Variants in ADGRV1 observed in about 807,000 individuals in gnomAD.
ADGRV1 encodes G-protein coupled receptor 98.
ADGRV1 carries 359 observed loss-of-function variants against 596.2 expected under a neutral mutation model. That is an observed-to-expected ratio of 0.60 (90% CI 0.55 to 0.66). The LOEUF is 0.66. Among genes scored for constraint, ADGRV1 ranks in the 30% least tolerant of loss-of-function variants. ADGRV1 has a pLI of 0.00. For synonymous variants in ADGRV1, 2,681 were observed against 2,679.2 expected (o/e 1.00, Z -0.02); for missense variants, 7,274 against 7,575.6 (o/e 0.96, Z 1.48).
At position 90,704,384 on chromosome 5, in the gene ADGRV1, C is replaced by T; in HGVS notation, c.8287-5C>T. 6.5e-7 allele frequency: 1 copy of T among 1,541,020 alleles called. No homozygotes were observed. The highest frequency in any genetic ancestry group is 8.8e-7 in the Non-Finnish European group (1 of 1,131,764). ...GCGGGATTGATTTCTTTCTGTATGACATAGGGGTCGTTGAATACAACATTG... is the reference window on the plus strand; with the variant it reads ...GCGGGATTGATTTCTTTCTGTATGATATAGGGGTCGTTGAATACAACATTG... On this transcript the variant is annotated splice_polypyrimidine_tract_variant and splice_region_variant and intron_variant, in intron 35 of 89. Coordinates refer to ENST00000405460, the MANE Select transcript of ADGRV1 (RefSeq NM_032119.4).
chr5:91,102,437 G>A, intron 87 of ADGRV1, 97 bp downstream of exon 87: 1 of 1,019,964 alleles, frequency 9.8e-7, no homozygotes, highest in Non-Finnish European at 1.4e-6. Context: ...CCACACACAG[G>A]TGAATTTGTG....
chr5:90,942,988 G>A (rs1390895794), intron 83 of ADGRV1, among the ~76,000 whole-genome samples: 1 of 152,102 alleles, frequency 6.6e-6, no homozygotes, highest in African/African-American at 2.4e-5. Context: ...TGCCCCTTCT[G>A]CAATGAAGAG....
chr5:90,608,240 G>C (rs1762339650), intron 1 of ADGRV1, among the ~76,000 whole-genome samples: 1 of 152,062 alleles, frequency 6.6e-6, no homozygotes, highest in Admixed American at 6.6e-5. Context: ...AGTGAAAATG[G>C]AGTGGGGGCA....
chr5:90,676,716 G>A (rs1405298959), intron 25 of ADGRV1: 1 of 153,138 alleles, frequency 6.5e-6, no homozygotes, highest in Admixed American at 6.5e-5. Flanking sequence ...TTCATGGTAG[G>A]TTCCCCTAAG....
At position 90,774,322 on chromosome 5, in the gene ADGRV1, T is replaced by C. The variant is rs765011557; in HGVS notation, c.12403+19T>C. On this transcript the variant is annotated intron_variant, in intron 60 of 89. Transcript: ENST00000405460. The stretch of plus-strand genomic sequence containing the variant: ...GTAAAAGGTAAGAGAAATTCACATT[T>C]TTGGAAATTAAAAAGTAAATTCTCA... 7.2e-7 allele frequency: 1 copy of C among 1,383,690 alleles called. No homozygotes were observed. The highest frequency in any genetic ancestry group is 1.0e-6 in the Non-Finnish European group (1 of 973,418). The allele number at this position is 1,383,690 out of a possible 1,614,324, so 85.7% of individuals were successfully genotyped here.
At chr5:90,999,330 A>G (rs1781674219) in intron 85 of ADGRV1, among the ~76,000 whole-genome samples, 1 of 152,082 alleles carries the variant, frequency 6.6e-6, no homozygotes, top group Non-Finnish European at 1.5e-5. Flanking sequence ...CAATAATAGT[A>G]CAGTTAACAT....
chr5:90,978,714 A>G (rs6870988), intron 84 of ADGRV1, among the ~76,000 whole-genome samples: 76,036 of 151,912 alleles, frequency 0.5, 20,644 homozygotes, highest in African/African-American at 0.71. Flanking sequence ...CCTATTGTGT[A>G]CCCATTTTAA....
rs773180401 is a variant in ADGRV1, at chr5:90,642,719, T to A, written c.2324T>A (p.Val775Asp). 3 of 1,612,104 alleles carry A rather than the reference T, an allele frequency of 1.9e-6. No individual in the cohort carries two copies. Among genetic ancestry groups the A allele is most frequent in the Admixed American group, 3.3e-5 (2 of 59,888 alleles). The change falls in exon 12 of 90, where the codon GTT (valine) becomes GAT (aspartate). Residue 775 changes from valine to aspartate, a missense_variant. By Grantham distance (152) the Val-to-Asp change is radical. This residue lies in a region of ADGRV1 where 1,715 missense variants were observed against 1,708.8 expected (regional missense o/e 1.00). Coordinates refer to ENST00000405460, the MANE Select transcript of ADGRV1 (RefSeq NM_032119.4). Reference protein sequence around the residue: ...IILENDDPGGVFEFSPASRGP... With the variant: ...IILENDDPGGDFEFSPASRGP... ...TTGGAAAATGATGACCCTGGGGGAG[T>A]TTTTGAATTTTCTCCTGCTTCCAGA...
At chr5:90,947,460 T>C (rs1173680988) in intron 83 of ADGRV1, among the ~76,000 whole-genome samples, 1 of 152,188 alleles carries the variant, frequency 6.6e-6, no homozygotes, top group Non-Finnish European at 1.5e-5. Context: ...CATTTTTCAA[T>C]TTTTGCTTTT....
At chr5:91,106,310 T>G (rs1791870500) in intron 87 of ADGRV1, among the ~76,000 whole-genome samples, 1 of 152,212 alleles carries the variant, frequency 6.6e-6, no homozygotes, top group Non-Finnish European at 1.5e-5. Context: ...CTCTATTCTG[T>G]TCCATTGGTC....
At chr5:91,000,744 G>T (rs1781793587) in intron 85 of ADGRV1, among the ~76,000 whole-genome samples, 2 of 150,582 alleles carry the variant, frequency 1.3e-5, no homozygotes, top group South Asian at 4.2e-4. Context: ...GGCTCACACT[G>T]TCATGGAGGC....
intron 85 of ADGRV1, among the ~76,000 whole-genome samples, chr5:91,007,235 A>G (rs1782353111): frequency 2.0e-5 from 3 of 152,222 alleles, no homozygotes; most frequent in African/African-American, 7.2e-5. Flanking sequence ...AGTGGCCCTG[A>G]CACTTAAACT....
chr5:90,726,860 T>C (rs966429842), intron 48 of ADGRV1, among the ~76,000 whole-genome samples: 3 of 152,224 alleles, frequency 2.0e-5, no homozygotes, highest in African/African-American at 7.2e-5. Context: ...GTATTTTAAA[T>C]TATATCTGTA....
intron 87 of ADGRV1, among the ~76,000 whole-genome samples, chr5:91,147,809 G>T (rs1795681517): frequency 6.6e-6 from 1 of 152,188 alleles, no homozygotes; most frequent in Non-Finnish European, 1.5e-5. Context: ...ACAGGCAGAG[G>T]TTGGAACAGT....
intron 9 of ADGRV1, among the ~76,000 whole-genome samples, chr5:90,631,153 T>C (rs902373596): frequency 3.9e-5 from 6 of 152,328 alleles, no homozygotes; most frequent in Non-Finnish European, 5.9e-5. Flanking sequence ...AAAGGTATTG[T>C]TGTTAAGCTT....
At chr5:90,787,590 C>CTTT (rs35504697) in intron 67 of ADGRV1, among the ~76,000 whole-genome samples, 16 of 118,852 alleles carry the variant, frequency 1.3e-4, no homozygotes, top group South Asian at 2.9e-4. Context: ...TTCTTTCTTT[C>CTTT]TTTTTTTTTT....
intron 85 of ADGRV1, among the ~76,000 whole-genome samples, chr5:90,996,297 A>G (rs1781409306): frequency 6.6e-6 from 1 of 152,160 alleles, no homozygotes. Flanking sequence ...ACCTCAGGAC[A>G]TGATACCCTG....
intron 27 of ADGRV1, among the ~76,000 whole-genome samples, 195 bp from the exon 28 acceptor site, chr5:90,683,391 T>A (rs1297812731): frequency 6.6e-6 from 1 of 152,158 alleles, no homozygotes; most frequent in Non-Finnish European, 1.5e-5. Context: ...ACTTTTTAAA[T>A]ATCCTCTATT....
Position 90,627,462 on chromosome 5 carries a change from A to T in ADGRV1, c.924A>T (p.Thr308=). The T allele has an allele frequency of 6.2e-7, 1 of 1,614,004 alleles. No homozygotes were observed. Among genetic ancestry groups the T allele is most frequent in the Non-Finnish European group, 8.5e-7 (1 of 1,179,878 alleles). The change falls in exon 7 of 90, where the codon ACA becomes ACT. Residue 308 remains threonine (T), a synonymous_variant. Coordinates refer to ENST00000405460, the MANE Select transcript of ADGRV1 (RefSeq NM_032119.4). The part of the protein sequence containing the change: ...EYEVSISYAV[T]TGNSTAHAQQ... ...AGGTTTCAATCAGTTATGCTGTCAC[A>T]ACTGGGAATTCCACAGCACATGCCC... is the stretch of plus-strand genomic sequence containing the variant.
Sources: gnomAD v4.1 joint callset for allele counts (sites outside exome capture counted in the v4.1 genomes callset) on GRCh38, gnomAD v4.1.1 for gene constraint, gnomAD v4.1.1 regional missense constraint, MANE v1.5 for transcripts, NCBI Gene and HGNC (gene_info 2026-07-23, HGNC 2026-07-21) for gene names.